The following DCDC2C variants were observed in gnomAD, a reference collection of about 807,000 sequenced individuals.
DCDC2C encodes the protein doublecortin domain containing 2C.
In DCDC2C, 44 loss-of-function variants were observed where a neutral mutation model predicts 45.0. The ratio of observed to expected loss-of-function variants is 0.98; its 90% confidence interval spans 0.77 to 1.26. DCDC2C has a LOEUF of 1.26. DCDC2C is among the 50% of genes most tolerant of loss of function. The pLI is 0.00. For missense variants in DCDC2C, 447 were observed against 468.9 expected, an observed-to-expected ratio of 0.95 and a Z score of 0.43; for synonymous variants, 187 against 178.8, an observed-to-expected ratio of 1.05 and a Z score of -0.37.
At chr2:3,783,395 C>T (rs73146817) in intron 9 of DCDC2C, among the ~76,000 whole-genome samples, 4,995 of 152,242 alleles carry the variant, frequency 0.033, 282 homozygotes, top group African/African-American at 0.11. Context: ...GAGCCAGCCT[C>T]GTCCTTACGG....
At chr2:3,763,465 G>C (rs1669938723) in intron 6 of DCDC2C, among the ~76,000 whole-genome samples, 1 of 152,314 alleles carries the variant, frequency 6.6e-6, no homozygotes, top group Middle Eastern at 3.4e-3. Context: ...GGTAACTGAA[G>C]GCTCCTTGCC....
At chr2:3,754,530 T>C (rs1669635111) in intron 5 of DCDC2C, 62 bp from the exon 6 acceptor site, 1 of 1,522,588 alleles carries the variant, frequency 6.6e-7, no homozygotes, top group East Asian at 2.5e-5. Flanking sequence ...GCAGTCTGCA[T>C]TTTATAGAGA....
intron 1 of DCDC2C, among the ~76,000 whole-genome samples, chr2:3,707,514 A>G (rs536958188): frequency 1.6e-4 from 24 of 152,374 alleles, no homozygotes; most frequent in Admixed American, 1.2e-3. Flanking sequence ...TTCAGTTCAT[A>G]CAATTTTCAA....
At chr2:3,808,357 T>C (rs564858317) in intron 10 of DCDC2C, among the ~76,000 whole-genome samples, 2 of 152,330 alleles carry the variant, frequency 1.3e-5, no homozygotes, top group East Asian at 3.9e-4. Flanking sequence ...GTTTAATGGA[T>C]TGTTTCCATT....
At chr2:3,743,358 A>C (rs1039253150) in intron 4 of DCDC2C, among the ~76,000 whole-genome samples, 1 of 152,220 alleles carries the variant, frequency 6.6e-6, no homozygotes, top group African/African-American at 2.4e-5. Context: ...ATCCAGACAG[A>C]AAGTCAATAA....
At chr2:3,727,891 C>A (rs1224297599) in intron 3 of DCDC2C, among the ~76,000 whole-genome samples, 1 of 152,200 alleles carries the variant, frequency 6.6e-6, no homozygotes, top group Admixed American at 6.5e-5. Flanking sequence ...CAGCCAGCCC[C>A]CCAGGGCTTG....
At chr2:3,793,295 C>A (rs954207338) in intron 10 of DCDC2C, among the ~76,000 whole-genome samples, 1 of 152,220 alleles carries the variant, frequency 6.6e-6, no homozygotes, top group Admixed American at 6.5e-5. Flanking sequence ...TGCATATGAA[C>A]TTGACAAGCC....
intron 10 of DCDC2C, among the ~76,000 whole-genome samples, chr2:3,804,581 C>G (rs916969550): frequency 5.3e-5 from 8 of 152,120 alleles, no homozygotes; most frequent in African/African-American, 1.7e-4. Flanking sequence ...TCTTATCTTA[C>G]TGATAAATGA....
At chr2:3,704,250 G>C (rs889976994) in intron 1 of DCDC2C, 45 of 417,036 alleles carry the variant, frequency 1.1e-4, no homozygotes, top group Non-Finnish European at 1.5e-4. Flanking sequence ...CCGCCCCCAG[G>C]GTCCCTTCCT....
In DCDC2C at chr2:3,708,531, T is replaced by A; in HGVS notation, c.288-18T>A. The stretch of plus-strand genomic sequence containing the variant: ...ATATCTTCCTTCTAATGATGTTTTC[T>A]TCTTTCTTCTTTTGCAGTTATATTC... On this transcript the variant is annotated intron_variant, in intron 1 of 10. Coordinates refer to ENST00000399143, the MANE Select transcript of DCDC2C (RefSeq NM_001287444.2). The A allele has an allele frequency of 1.3e-6, 2 of 1,528,248 alleles. No individual in the cohort carries two copies. Among genetic ancestry groups the A allele is most frequent in the Non-Finnish European group, 1.8e-6 (2 of 1,134,084 alleles). The allele number at this position is 1,528,248 out of a possible 1,614,324, so 94.7% of individuals were successfully genotyped here.
At chr2:3,747,576 A>G (rs961078869) in intron 4 of DCDC2C, among the ~76,000 whole-genome samples, 7 of 152,216 alleles carry the variant, frequency 4.6e-5, no homozygotes, top group African/African-American at 1.7e-4. Flanking sequence ...TGGCCCAGGG[A>G]GTAGCCCAAT....
chr2:3,730,496 TAAC>T (rs900022571), intron 3 of DCDC2C, among the ~76,000 whole-genome samples: 3 of 151,904 alleles, frequency 2.0e-5, no homozygotes, highest in Non-Finnish European at 4.4e-5. Context: ...GTAGAAATAA[TAAC>T]AAAAAACAAA....
intron 6 of DCDC2C, among the ~76,000 whole-genome samples, chr2:3,767,158 G>T (rs1670036962): frequency 6.6e-6 from 1 of 152,242 alleles, no homozygotes; most frequent in Non-Finnish European, 1.5e-5. Context: ...TGTTCATCAG[G>T]ATGTGACCAC....
In DCDC2C at chr2:3,734,973, G is replaced by A. The variant is rs1572571110; in HGVS notation, c.417-6947G>A. Among the ~76,000 whole-genome samples, 1 of 152,126 alleles carries A rather than the reference G, an allele frequency of 6.6e-6. No individual in the cohort carries two copies. The highest frequency in any genetic ancestry group is 2.1e-4 in the South Asian group (1 of 4,818). ...GAGGAGGCAATTGGAGAGAAATTAG[G>A]CATCCACATCCTACCGCATCCCACA... On this transcript the variant is annotated intron_variant, in intron 3 of 10. Coordinates refer to ENST00000399143, the MANE Select transcript of DCDC2C (RefSeq NM_001287444.2). This position sits in a 1 kb window ranked among gnomAD's most constrained non-coding sequence, Gnocchi z 4.2.
chr2:3,705,273 G>T (rs940004253), intron 1 of DCDC2C, among the ~76,000 whole-genome samples: 2 of 152,198 alleles, frequency 1.3e-5, no homozygotes, highest in African/African-American at 4.8e-5. Context: ...AGGCATCACA[G>T]TTGCTAAGAG....
At chr2:3,790,846 T>C (rs1297725374) in intron 10 of DCDC2C, among the ~76,000 whole-genome samples, 6 of 152,170 alleles carry the variant, frequency 3.9e-5, no homozygotes, top group African/African-American at 1.2e-4. Context: ...CGGTGGTTCA[T>C]GCCTGTAATC....
chr2:3,757,539 A>C (rs1669754049), intron 6 of DCDC2C, among the ~76,000 whole-genome samples: 1 of 152,322 alleles, frequency 6.6e-6, no homozygotes, highest in South Asian at 2.1e-4. Flanking sequence ...CATGACCTAG[A>C]ACTTGTGACC....
chr2:3,792,280 G>A (rs1670832457), intron 10 of DCDC2C, among the ~76,000 whole-genome samples: 1 of 152,178 alleles, frequency 6.6e-6, no homozygotes, highest in Non-Finnish European at 1.5e-5. Context: ...TCAGCCGGAT[G>A]GTCTTCTCTG....
chr2:3,773,729 C>T (rs1320661309), intron 8 of DCDC2C, among the ~76,000 whole-genome samples: 7 of 152,188 alleles, frequency 4.6e-5, no homozygotes, highest in Non-Finnish European at 1.0e-4. Context: ...ACCTGTGATT[C>T]CTTTCTTGGG....
Sources: allele counts gnomAD v4.1 joint callset (sites outside exome capture counted in the v4.1 genomes callset), GRCh38; gene constraint gnomAD v4.1.1; non-coding constraint Gnocchi (gnomAD v3.1); transcripts MANE v1.5; gene names NCBI Gene and HGNC (gene_info 2026-07-23, HGNC 2026-07-21).